The following PLEKHD1 variants were observed in gnomAD, a reference collection of about 807,000 sequenced individuals.
PLEKHD1 encodes the protein pleckstrin homology domain-containing family D member 1.
In PLEKHD1, 51 loss-of-function variants were observed where a neutral mutation model predicts 69.2. That is an observed-to-expected ratio of 0.74 (90% CI 0.59 to 0.93). The LOEUF is 0.93. Ranked by LOEUF, PLEKHD1 falls within the 40% of genes least tolerant of loss-of-function variation. The probability of loss-of-function intolerance (pLI) is 0.00; values close to 1 mark genes in which losing one functional copy is unlikely to be tolerated. For synonymous variants in PLEKHD1, 236 were observed against 244.7 expected, an observed-to-expected ratio of 0.96 and a Z score of 0.33; for missense variants, 584 against 641.0, an observed-to-expected ratio of 0.91 and a Z score of 0.96.
chr14:69,524,093 G>A, intron 7 of PLEKHD1, 136 bp from the exon 8 acceptor site: 1 of 668,622 alleles, frequency 1.5e-6, no homozygotes, highest in Non-Finnish European at 2.6e-6. Flanking sequence ...GGGCCCAGCT[G>A]TGCAGAGGGG....
intron 5 of PLEKHD1, chr14:69,502,291 C>T: frequency 5.3e-6 from 1 of 188,932 alleles, no homozygotes; most frequent in Non-Finnish European, 1.1e-5. Context: ...TCCCCAGTAC[C>T]CTTGCCCCAG....
At chr14:69,513,481 A>G (rs1371550011) in intron 6 of PLEKHD1, among the ~76,000 whole-genome samples, 5 of 152,202 alleles carry the variant, frequency 3.3e-5, no homozygotes, top group Admixed American at 2.6e-4. Context: ...CGCAGTTTGG[A>G]CATTCAGCAG....
chr14:69,502,778 C>T, intron 5 of PLEKHD1, 49 bp from the exon 6 acceptor site: 1 of 1,549,904 alleles, frequency 6.5e-7, no homozygotes, highest in Non-Finnish European at 8.7e-7. Context: ...GACCTCAGAG[C>T]ACTTTCCTGA....
Position 69,526,129 on chromosome 14 carries a change from G to C in PLEKHD1, c.923+7G>C. 1 of 1,547,702 alleles carries C rather than the reference G, an allele frequency of 6.5e-7. No homozygotes were observed. Among genetic ancestry groups the C allele is most frequent in the Non-Finnish European group, 8.7e-7 (1 of 1,145,668 alleles). On this transcript the variant is annotated splice_region_variant and intron_variant, in intron 9 of 12. Transcript: ENST00000322564. ...AGCTCCTGGCAGAGAAGCGGTGAGG[G>C]AGCCCCGACCCCTGAAGACACCATT... is the stretch of plus-strand genomic sequence containing the variant.
the PLEKHD1 span, among the ~76,000 whole-genome samples, chr14:69,476,582 GAAAACT>G: frequency 1.3e-5 from 2 of 151,898 alleles, no homozygotes. Context: ...TGTTTTAAAA[GAAAACT>G]AAAAGACATC....
intron 5 of PLEKHD1, 96 bp from the exon 6 acceptor site, chr14:69,502,731 G>T (rs947517682): frequency 3.0e-5 from 44 of 1,474,950 alleles, no homozygotes; most frequent in Non-Finnish European, 3.7e-5. Context: ...GAGATGCTGG[G>T]GGTGACAGCG....
Position 69,502,878 on chromosome 14 carries a change from A to C in PLEKHD1, c.554A>C (p.Glu185Ala). ...EELCLQREQR[E>A]ELERLNQVLE... Reference sequence around the variant, plus strand: ...CTCTGCCTTCAGAGGGAGCAGAGAGAGGTAGGTGCACACCAAGGGGCTCTC... The same window carrying C: ...CTCTGCCTTCAGAGGGAGCAGAGAGCGGTAGGTGCACACCAAGGGGCTCTC... Residue 185 changes from glutamate to alanine, a missense_variant and splice_region_variant, in exon 6 of 13, where the codon GAG becomes GCG. By Grantham distance (107) the Glu-to-Ala change is moderately radical. Coordinates refer to ENST00000322564, the MANE Select transcript of PLEKHD1 (RefSeq NM_001161498.2). The C allele has an allele frequency of 3.9e-6, 6 of 1,551,580 alleles. No individual in the cohort carries two copies. Among genetic ancestry groups the C allele is most frequent in the Non-Finnish European group, 5.2e-6 (6 of 1,146,938 alleles).
the PLEKHD1 span, among the ~76,000 whole-genome samples, chr14:69,474,309 C>T: frequency 2.9e-4 from 44 of 152,232 alleles, no homozygotes; most frequent in African/African-American, 9.9e-4. Context: ...GAAACCCAGA[C>T]CCCCACCAAA....
At chr14:69,521,710 G>A (rs930391639) in intron 6 of PLEKHD1, among the ~76,000 whole-genome samples, 1 of 152,188 alleles carries the variant, frequency 6.6e-6, no homozygotes, top group Non-Finnish European at 1.5e-5. Flanking sequence ...GTCCCCTGGG[G>A]CCTGTCCTGC....
At chr14:69,493,711 C>T (rs560569340) in intron 1 of PLEKHD1, among the ~76,000 whole-genome samples, 1 of 152,346 alleles carries the variant, frequency 6.6e-6, no homozygotes, top group South Asian at 2.1e-4. Flanking sequence ...ACTCTCTTAG[C>T]AAGGTGAGTG....
At chr14:69,486,798 T>G (rs1262504180) in intron 1 of PLEKHD1, among the ~76,000 whole-genome samples, 2 of 152,204 alleles carry the variant, frequency 1.3e-5, no homozygotes, top group African/African-American at 4.8e-5. Flanking sequence ...AACTGGTCTC[T>G]GCACCTACAG....
intron 5 of PLEKHD1, 159 bp from the exon 6 acceptor site, chr14:69,502,668 C>G: frequency 1.3e-6 from 1 of 789,412 alleles, no homozygotes; most frequent in Non-Finnish European, 2.0e-6. Context: ...CAGCTTCCAT[C>G]ACCAGGAGCT....
At chr14:69,517,848 C>T (rs1883418951) in intron 6 of PLEKHD1, among the ~76,000 whole-genome samples, 1 of 152,158 alleles carries the variant, frequency 6.6e-6, no homozygotes, top group African/African-American at 2.4e-5. Flanking sequence ...ACACCGCATA[C>T]CTGCCTCACT....
At position 69,530,153 on chromosome 14, in the gene PLEKHD1, A is replaced by C. The variant is rs1883759832; in HGVS notation, c.*1734A>C. 2.0e-5 allele frequency: 3 copies of C among 152,208 alleles called. No homozygotes were observed. The allele number at this position is 152,208 out of a possible 1,614,324, so 9.4% of individuals were successfully genotyped here. On this transcript the variant is annotated 3_prime_UTR_variant, in exon 13 of 13. Transcript: ENST00000322564. ...CCACAACCTATTCTGTGGGAAGAGGAGCATTGTTGCCTCTAAGAACACATG... is the reference window on the plus strand; with the variant it reads ...CCACAACCTATTCTGTGGGAAGAGGCGCATTGTTGCCTCTAAGAACACATG...
intron 7 of PLEKHD1, among the ~76,000 whole-genome samples, chr14:69,523,609 T>A (rs1416166410): frequency 6.6e-6 from 1 of 152,140 alleles, no homozygotes; most frequent in Non-Finnish European, 1.5e-5. Context: ...TGTAATAATA[T>A]GTAATCAGGT....
chr14:69,470,620 G>A, the PLEKHD1 span, among the ~76,000 whole-genome samples: 1 of 152,116 alleles, frequency 6.6e-6, no homozygotes, highest in Non-Finnish European at 1.5e-5. Flanking sequence ...GTATTTCCTG[G>A]AAAAAGCACC....
intron 6 of PLEKHD1, among the ~76,000 whole-genome samples, chr14:69,511,798 GC>G (rs945576856): frequency 3.2e-4 from 49 of 152,266 alleles, no homozygotes; most frequent in Admixed American, 7.2e-4. Flanking sequence ...TGATCTGCCT[GC>G]CTCGGCCTCC....
chr14:69,489,560 A>AAAAAG (rs1414688804), intron 1 of PLEKHD1, among the ~76,000 whole-genome samples: 22 of 141,700 alleles, frequency 1.6e-4, no homozygotes, highest in Non-Finnish European at 1.5e-5. Flanking sequence ...CTCCATCTCA[A>AAAAAG]AAAAAAAAAA....
chr14:69,485,720 G>A (rs541298286), intron 1 of PLEKHD1, among the ~76,000 whole-genome samples: 1 of 152,362 alleles, frequency 6.6e-6, no homozygotes, highest in South Asian at 2.1e-4. Flanking sequence ...GCACAGGGAA[G>A]AGAGATTCTA....
Sources: allele counts gnomAD v4.1 joint callset (sites outside exome capture counted in the v4.1 genomes callset), GRCh38; gene constraint gnomAD v4.1.1; transcripts MANE v1.5; gene names NCBI Gene and HGNC (gene_info 2026-07-23, HGNC 2026-07-21).